KIF26B: variants seen among roughly 807,000 people sequenced by gnomAD.
KIF26B encodes kinesin family member 26B, also known as kinesin-like protein KIF26B.
KIF26B carries 63 observed loss-of-function variants against 151.2 expected under a neutral mutation model. The observed-to-expected ratio is 0.42, with a 90% CI of 0.34 to 0.51. KIF26B has a LOEUF of 0.51. Ranked by LOEUF, KIF26B falls within the 20% of genes least tolerant of loss-of-function variation. The pLI, the probability that KIF26B is intolerant of heterozygous loss-of-function variation, is 0.07. For missense variants in KIF26B, 2,813 were observed against 2,913.6 expected (o/e 0.97, Z 0.79); for synonymous variants, 1,357 against 1,262.1 (o/e 1.08, Z -1.59).
At chr1:245,268,505 A>ATAG (rs1670791551) in intron 2 of KIF26B, among the ~76,000 whole-genome samples, 1 of 139,590 alleles carries the variant, frequency 7.2e-6, no homozygotes, top group African/African-American at 2.7e-5. Context: ...AATAATAATA[A>ATAG]TAATAATAAT....
intron 2 of KIF26B, among the ~76,000 whole-genome samples, chr1:245,267,674 ACACACACAC>A (rs1670772676): frequency 3.3e-5 from 5 of 149,952 alleles, no homozygotes; most frequent in African/African-American, 1.2e-4. Context: ...ACACACACAC[ACACACACAC>A]AAAAGGAGAA....
rs529155649 is a variant in KIF26B at position 245,358,134 on chromosome 1, C to T, written c.466-8700C>T. 2.5e-4 allele frequency among the ~76,000 whole-genome samples: 38 copies of T among 152,200 alleles called. 1 individual carries two copies. The highest frequency in any genetic ancestry group is 1.7e-3 in the Admixed American group (26 of 15,284). ...TTCACCATGTTGCCCAGGCTGGTCT[C>T]GAACTTCAGATCTGCCCACCTCAGT... On this transcript the variant is annotated intron_variant, in intron 2 of 14. Coordinates refer to ENST00000407071, the MANE Select transcript of KIF26B (RefSeq NM_018012.4). The surrounding 1 kb of genome is among the most constrained non-coding windows in gnomAD (Gnocchi z 4.1).
At chr1:245,185,827 C>A (rs1325988671) in intron 2 of KIF26B, among the ~76,000 whole-genome samples, 1 of 151,676 alleles carries the variant, frequency 6.6e-6, no homozygotes, top group African/African-American at 2.4e-5. Flanking sequence ...TGGCTACAAC[C>A]TTGAGAGTTA....
intron 2 of KIF26B, among the ~76,000 whole-genome samples, chr1:245,266,424 AAC>A (rs1332982832): frequency 3.3e-5 from 5 of 152,334 alleles, no homozygotes; most frequent in African/African-American, 1.2e-4. Context: ...CACTCCCAGG[AAC>A]AGACCCTGGT....
In KIF26B at chr1:245,318,138, T is replaced by C. The variant is rs2102985778; in HGVS notation, c.466-48696T>C. Among the ~76,000 whole-genome samples, 1 of 152,354 alleles carries C rather than the reference T, an allele frequency of 6.6e-6. No homozygotes were observed. Among genetic ancestry groups the C allele is most frequent in the Admixed American group, 6.5e-5 (1 of 15,304 alleles). On this transcript the variant is annotated intron_variant, in intron 2 of 14. Coordinates refer to ENST00000407071, the MANE Select transcript of KIF26B (RefSeq NM_018012.4). This position sits in a 1 kb window ranked among gnomAD's most constrained non-coding sequence, Gnocchi z 4.0. ...CCTCTGTTGCAAGGACTGAGAACTC[T>C]GAGGAGATCTAGGAGATCCCTAAGT...
intron 2 of KIF26B, among the ~76,000 whole-genome samples, chr1:245,211,939 G>C (rs1345690655): frequency 6.6e-6 from 1 of 152,176 alleles, no homozygotes; most frequent in South Asian, 2.1e-4. Flanking sequence ...GGCTCTGCCC[G>C]ACTGCTCCTC....
At chr1:245,360,603 G>T (rs1672797679) in intron 2 of KIF26B, among the ~76,000 whole-genome samples, 1 of 152,104 alleles carries the variant, frequency 6.6e-6, no homozygotes, top group African/African-American at 2.4e-5. Flanking sequence ...AATGGCTCCT[G>T]GTCACTCAGC....
At chr1:245,211,979 C>T (rs1388760866) in intron 2 of KIF26B, among the ~76,000 whole-genome samples, 2 of 152,180 alleles carry the variant, frequency 1.3e-5, no homozygotes, top group Admixed American at 6.5e-5. Flanking sequence ...GCTGAAAAGC[C>T]TGGGGCTGGT....
chr1:245,306,651 A>C (rs990056624), intron 2 of KIF26B, among the ~76,000 whole-genome samples: 9 of 151,746 alleles, frequency 5.9e-5, no homozygotes, highest in Non-Finnish European at 1.0e-4. Context: ...AATCCTCCCC[A>C]CCCCCCACCA....
In KIF26B at chr1:245,476,299, G is replaced by T. The variant is rs911344800; in HGVS notation, c.1166+56554G>T. Among the ~76,000 whole-genome samples, 5 of 151,812 alleles carry T rather than the reference G, an allele frequency of 3.3e-5. 1 individual carries two copies. The highest frequency in any genetic ancestry group is 5.9e-5 in the Non-Finnish European group (4 of 67,820). On this transcript the variant is annotated intron_variant, in intron 4 of 14. Coordinates refer to ENST00000407071, the MANE Select transcript of KIF26B (RefSeq NM_018012.4). Reference sequence around the variant, plus strand: ...AGTGTTAAAGGGTGTGAGTGAGGAAGATATTCCGTGTTCCATGATGATTAC... The same window carrying T: ...AGTGTTAAAGGGTGTGAGTGAGGAATATATTCCGTGTTCCATGATGATTAC...
Position 245,155,379 on chromosome 1 carries a change from G to T in KIF26B, c.-46G>T. 6.6e-7 allele frequency: 1 copy of T among 1,510,836 alleles called. No homozygotes were observed. Among genetic ancestry groups the T allele is most frequent in the Non-Finnish European group, 9.1e-7 (1 of 1,099,080 alleles). 93.6% of individuals were successfully genotyped at this position (1,510,836 alleles called of 1,614,324 possible). On this transcript the variant is annotated 5_prime_UTR_variant, in exon 1 of 15. It removes an upstream start codon present in the reference 5' UTR. Coordinates refer to ENST00000407071, the MANE Select transcript of KIF26B (RefSeq NM_018012.4). ...TTCTGGGTTGGAGGACCTTCTGGATGTAGCGTCGGTGGAACCTTTAGATAC... is the reference window on the plus strand; with the variant it reads ...TTCTGGGTTGGAGGACCTTCTGGATTTAGCGTCGGTGGAACCTTTAGATAC...
At chr1:245,570,473 A>G (rs950588960) in intron 5 of KIF26B, among the ~76,000 whole-genome samples, 2 of 152,130 alleles carry the variant, frequency 1.3e-5, no homozygotes, top group Non-Finnish European at 2.9e-5. Context: ...GGATTTTTCC[A>G]TTACCTTCCA....
At chr1:245,224,027 G>A (rs1430547972) in intron 2 of KIF26B, among the ~76,000 whole-genome samples, 1 of 152,192 alleles carries the variant, frequency 6.6e-6, no homozygotes, top group Non-Finnish European at 1.5e-5. Context: ...GCTCACGTCT[G>A]TAATCCCAGC....
intron 10 of KIF26B, among the ~76,000 whole-genome samples, chr1:245,648,999 T>C (rs2043983414): frequency 6.6e-6 from 1 of 152,198 alleles, no homozygotes; most frequent in South Asian, 2.1e-4. Flanking sequence ...GAGACCTTGC[T>C]GGGTTGCCTG....
At chr1:245,505,621 G>A (rs1013859221) in intron 4 of KIF26B, among the ~76,000 whole-genome samples, 2 of 152,136 alleles carry the variant, frequency 1.3e-5, no homozygotes, top group South Asian at 2.1e-4. Context: ...CTGACCTCAG[G>A]TGATCCAGCC....
At chr1:245,224,806 A>G (rs78276852) in intron 2 of KIF26B, among the ~76,000 whole-genome samples, 3,844 of 152,350 alleles carry the variant, frequency 0.025, 101 homozygotes, top group East Asian at 0.095. Flanking sequence ...GCGTAGACCA[A>G]TGGATTTCCA....
At chr1:245,300,778 C>T (rs1451961884) in intron 2 of KIF26B, among the ~76,000 whole-genome samples, 1 of 151,430 alleles carries the variant, frequency 6.6e-6, no homozygotes, top group Non-Finnish European at 1.5e-5. Context: ...ATCCACCCGC[C>T]TCGGCTTCCC....
intron 3 of KIF26B, among the ~76,000 whole-genome samples, chr1:245,416,512 T>C (rs1323649850): frequency 6.6e-6 from 1 of 152,200 alleles, no homozygotes; most frequent in Non-Finnish European, 1.5e-5. Flanking sequence ...CCTAGAGACC[T>C]GGGGCTTTTG....
chr1:245,487,692 G>A (rs1014941377), intron 4 of KIF26B, among the ~76,000 whole-genome samples: 5 of 151,852 alleles, frequency 3.3e-5, no homozygotes, highest in Admixed American at 2.6e-4. Context: ...CCTGGACCTC[G>A]GCTCAGGTGA....
Sources: allele counts gnomAD v4.1 joint callset (sites outside exome capture counted in the v4.1 genomes callset), GRCh38; gene constraint gnomAD v4.1.1; non-coding constraint Gnocchi (gnomAD v3.1); transcripts MANE v1.5; gene names NCBI Gene and HGNC (gene_info 2026-07-23, HGNC 2026-07-21).